L1TD1: variants seen among roughly 807,000 people sequenced by gnomAD.
The protein encoded by L1TD1 is LINE-1 type transposase domain-containing protein 1.
Under a neutral mutation model 25.7 loss-of-function variants are expected in L1TD1, and 26 were observed. That is an observed-to-expected ratio of 1.01 (90% CI 0.74 to 1.40). The LOEUF is 1.40. Ranked by LOEUF, L1TD1 falls within the 40% of genes most tolerant of loss-of-function variation. The pLI is 0.00. For missense variants in L1TD1, 1,130 were observed against 975.0 expected (o/e 1.16, Z -2.12); for synonymous variants, 421 against 335.6 (o/e 1.25, Z -2.78).
chr1:62,207,339 G>C lies in L1TD1; in HGVS notation c.711G>C (p.Met237Ile). 1 of 1,551,354 alleles carries C rather than the reference G, an allele frequency of 6.4e-7. No homozygotes were observed. Among genetic ancestry groups the C allele is most frequent in the Non-Finnish European group, 8.7e-7 (1 of 1,146,858 alleles). ...LKASREEKVL[M>I]DEGAVLTLVA... The stretch of plus-strand genomic sequence containing the variant: ...CCTCCAGAGAAGAAAAAGTGTTGAT[G>C]GATGAAGGAGCAGTACTTACCCTGG... Residue 237 changes from methionine (M) to isoleucine (I), a missense_variant, in exon 3 of 4, where the codon ATG (methionine) becomes ATC (isoleucine). Transcript: ENST00000498273.
intron 1 of L1TD1, among the ~76,000 whole-genome samples, chr1:62,196,111 A>G (rs906546379): frequency 2.0e-5 from 3 of 152,158 alleles, no homozygotes; most frequent in South Asian, 2.1e-4. Flanking sequence ...ATTTTCTTCA[A>G]TTTCCTCCGA....
At position 62,211,159 on chromosome 1, in the gene L1TD1, C is replaced by T. The variant is rs1223202497; in HGVS notation, c.2385C>T (p.Asp795=). 1 of 1,550,702 alleles carries T rather than the reference C, an allele frequency of 6.4e-7. No individual in the cohort carries two copies. Among genetic ancestry groups the T allele is most frequent in the African/African-American group, 1.4e-5 (1 of 73,042 alleles). ...GAACAAGAATCAGGTTGACAGCAGA[C>T]TTATCACTGGACACACTGGATGCTA... The part of the protein sequence containing the change: ...YQGTRIRLTA[D]LSLDTLDARS... Residue 795 remains aspartate (D), a synonymous_variant, in exon 4 of 4, where the codon GAC becomes GAT. Coordinates refer to ENST00000498273, the MANE Select transcript of L1TD1 (RefSeq NM_019079.5).
Position 62,206,915 on chromosome 1 carries a change from CCAG to C in L1TD1, c.288_290del (p.Ser98del), listed in dbSNP as rs1670758186. The C allele has an allele frequency of 6.2e-7, 1 of 1,613,576 alleles. No individual in the cohort carries two copies. Among genetic ancestry groups the C allele is most frequent in the African/African-American group, 1.3e-5 (1 of 74,868 alleles). On this transcript the variant is annotated inframe_deletion, in exon 3 of 4. Transcript: ENST00000498273. ...CCTGAGGTAAAGAATTCAGAGAACT[CCAG>C]TAGTAGGACAGAGTTTCAGCAAATA...
At chr1:62,200,612 G>T (rs535376316) in intron 2 of L1TD1, among the ~76,000 whole-genome samples, 2 of 152,038 alleles carry the variant, frequency 1.3e-5, no homozygotes, top group East Asian at 3.9e-4. Flanking sequence ...TTGTTTTCTA[G>T]TATTTTTTGG....
chr1:62,210,631 T>A lies in L1TD1; in HGVS notation c.1857T>A (p.Ser619Arg). The A allele has an allele frequency of 6.3e-7, 1 of 1,589,596 alleles. No homozygotes were observed. Among genetic ancestry groups the A allele is most frequent in the Non-Finnish European group, 8.6e-7 (1 of 1,167,340 alleles). Residue 619 changes from serine to arginine, a missense_variant, in exon 4 of 4, where the codon AGT (serine) becomes AGA (arginine). Ser to Arg is a moderately radical substitution (Grantham distance 110). Coordinates refer to ENST00000498273, the MANE Select transcript of L1TD1 (RefSeq NM_019079.5). ...LTEETEENLR[S>R]SVINSIREIK... ...AGGAAACAGAAGAAAACTTGAGAAGTAGTGTGATTAATAGCATCAGAGAGA... is the reference window on the plus strand; with the variant it reads ...AGGAAACAGAAGAAAACTTGAGAAGAAGTGTGATTAATAGCATCAGAGAGA...
At chr1:62,200,921 T>G (rs1418574750) in intron 2 of L1TD1, among the ~76,000 whole-genome samples, 1 of 152,082 alleles carries the variant, frequency 6.6e-6, no homozygotes, top group African/African-American at 2.4e-5. Flanking sequence ...TTTGTTTTAT[T>G]TTATTTTTAT....
Position 62,209,920 on chromosome 1 carries a change from C to T in L1TD1, c.1146C>T (p.Ser382=), listed in dbSNP as rs376686704. ...TAGAGACTCAAGAGGAAGAGTTTTC[C>T]GAGCTAGAGGAGCTGGATGAAGAGG... ...KNLETQEEEF[S]ELEELDEEAS... is the part of the protein sequence containing the mutation. Residue 382 remains serine, a synonymous_variant, in exon 4 of 4, where the codon TCC becomes TCT. Coordinates refer to ENST00000498273, the MANE Select transcript of L1TD1 (RefSeq NM_019079.5). 1.2e-5 allele frequency: 19 copies of T among 1,613,174 alleles called. No individual in the cohort carries two copies. The Admixed American group carries it at 1.5e-4, about 13-fold the overall frequency.
Position 62,211,036 on chromosome 1 carries a change from A to T in L1TD1, c.2262A>T (p.Arg754Ser). ...TACCTAGTAAAATTGATGAAAAGAG[A>T]CTGACTCCTAGACACATCTTGGTGA... ...CRVPSKIDEKRLTPRHILVKF... is the reference protein window; with the variant it reads ...CRVPSKIDEKSLTPRHILVKF... Residue 754 changes from arginine (R) to serine (S), a missense_variant, in exon 4 of 4, where the codon AGA becomes AGT. By Grantham distance (110) the Arg-to-Ser change is moderately radical. Transcript: ENST00000498273. The T allele has an allele frequency of 2.6e-6, 4 of 1,549,744 alleles. No individual in the cohort carries two copies. In the South Asian group the frequency reaches 4.8e-5, roughly 19 times the overall value.
chr1:62,206,502 A>T lies in L1TD1; in HGVS notation c.-110-17A>T, dbSNP rs1670747223. On this transcript the variant is annotated splice_polypyrimidine_tract_variant and intron_variant, in intron 2 of 3. Transcript: ENST00000498273. ...AGAATTCTTTAGTAAGTAATTTTTC[A>T]TTTTTTTGTATTTCAGATTGACGTA... The T allele has an allele frequency of 1.6e-5, 16 of 990,046 alleles. No individual in the cohort carries two copies. In the East Asian group the frequency reaches 2.6e-4, roughly 16 times the overall value. The allele number at this position is 990,046 out of a possible 1,614,324, so 61.3% of individuals were successfully genotyped here.
intron 3 of L1TD1, 126 bp downstream of exon 3, chr1:62,207,762 G>T: frequency 8.5e-7 from 1 of 1,174,744 alleles, no homozygotes; most frequent in Non-Finnish European, 1.1e-6. Context: ...GGCCAGGTGG[G>T]AGTGCAGTGG....
At chr1:62,206,069 A>T (rs1180743358) in intron 2 of L1TD1, among the ~76,000 whole-genome samples, 1 of 152,198 alleles carries the variant, frequency 6.6e-6, no homozygotes, top group Non-Finnish European at 1.5e-5. Context: ...ATTGGTTTTC[A>T]GAAAAAGTCT....
At position 62,206,934 on chromosome 1, in the gene L1TD1, T is replaced by G; in HGVS notation, c.306T>G (p.Phe102Leu). 2 of 1,613,806 alleles carry G rather than the reference T, an allele frequency of 1.2e-6. No homozygotes were observed. Among genetic ancestry groups the G allele is most frequent in the South Asian group, 2.2e-5 (2 of 91,042 alleles). ...NSENSSSRTE[F>L]QQIINLALQK... ...AGAACTCCAGTAGTAGGACAGAGTT[T>G]CAGCAAATAATCAATTTAGCATTAC... Residue 102 changes from phenylalanine to leucine, a missense_variant, in exon 3 of 4, where the codon TTT becomes TTG. Transcript: ENST00000498273.
intron 2 of L1TD1, among the ~76,000 whole-genome samples, chr1:62,204,131 C>G (rs1219946433): frequency 6.6e-6 from 1 of 152,126 alleles, no homozygotes; most frequent in East Asian, 1.9e-4. Flanking sequence ...ATTTTTGAAC[C>G]ATGCTTTATC....
At chr1:62,203,973 G>A (rs1477151308) in intron 2 of L1TD1, among the ~76,000 whole-genome samples, 1 of 152,160 alleles carries the variant, frequency 6.6e-6, no homozygotes, top group Non-Finnish European at 1.5e-5. Flanking sequence ...GGATCCACCT[G>A]CCTTGGCCTC....
chr1:62,203,148 A>T (rs75099754), intron 2 of L1TD1, among the ~76,000 whole-genome samples: 1 of 152,118 alleles, frequency 6.6e-6, no homozygotes, highest in Non-Finnish European at 1.5e-5. Flanking sequence ...TTATGGTTAC[A>T]TAGTAGATGT....
At chr1:62,196,198 CAA>C (rs899211062) in intron 1 of L1TD1, among the ~76,000 whole-genome samples, 1 of 152,130 alleles carries the variant, frequency 6.6e-6, no homozygotes, top group African/African-American at 2.4e-5. Context: ...CCAACTCTCA[CAA>C]AGAAGAAACC....
In L1TD1 at chr1:62,209,560, A is replaced by G. The variant is rs77313516; in HGVS notation, c.1009-223A>G. On this transcript the variant is annotated intron_variant, in intron 3 of 3. Transcript: ENST00000498273. ...ACATTATGACCTCAGAATTTGTTTC[A>G]AGATTACACAAGAAATGACAAATAT... Among the ~76,000 whole-genome samples, 433 of 152,266 alleles carry G rather than the reference A, an allele frequency of 2.8e-3. 15 individuals carry two copies. The East Asian group carries it at 0.073, about 26-fold the overall frequency.
Position 62,207,515 on chromosome 1 carries a change from T to A in L1TD1, c.887T>A (p.Leu296Gln), listed in dbSNP as rs766680555. Reference sequence around the variant, plus strand: ...GGTGAAATAAAGACATTTTCAGATCTGCAAAGCCTTAGAAAATTTGCCAGC... The same window carrying A: ...GGTGAAATAAAGACATTTTCAGATCAGCAAAGCCTTAGAAAATTTGCCAGC... ...CDGEIKTFSD[L>Q]QSLRKFASQK... Residue 296 changes from leucine to glutamine, a missense_variant, in exon 3 of 4, where the codon CTG becomes CAG. Leu to Gln is a moderately radical substitution (Grantham distance 113). Coordinates refer to ENST00000498273, the MANE Select transcript of L1TD1 (RefSeq NM_019079.5). The A allele has an allele frequency of 1.3e-6, 2 of 1,551,524 alleles. No homozygotes were observed. The highest frequency in any genetic ancestry group is 1.2e-5 in the South Asian group (1 of 84,046).
At chr1:62,208,901 T>G (rs536454216) in intron 3 of L1TD1, among the ~76,000 whole-genome samples, 16 of 152,252 alleles carry the variant, frequency 1.1e-4, no homozygotes, top group Non-Finnish European at 2.2e-4. Context: ...AAAGGTACAC[T>G]TGAATCAACA....
Sources: allele counts gnomAD v4.1 joint callset (sites outside exome capture counted in the v4.1 genomes callset), GRCh38; gene constraint gnomAD v4.1.1; transcripts MANE v1.5; gene names NCBI Gene and HGNC (gene_info 2026-07-23, HGNC 2026-07-21).